RAB38: variants seen among roughly 807,000 people sequenced by gnomAD.
The protein encoded by RAB38 is RAB38, member RAS oncogene family, also known as ras-related protein Rab-38.
In RAB38, 15 loss-of-function variants were observed where a neutral mutation model predicts 18.4. The observed-to-expected ratio is 0.82, with a 90% CI of 0.55 to 1.26. RAB38 has a LOEUF of 1.26. Ranked by LOEUF, RAB38 falls within the 50% of genes most tolerant of loss-of-function variation. The probability of loss-of-function intolerance (pLI) is 0.00; values close to 1 mark genes in which losing one functional copy is unlikely to be tolerated. For synonymous variants in RAB38, 101 were observed against 104.4 expected, an observed-to-expected ratio of 0.97 and a Z score of 0.20; for missense variants, 294 against 267.4, an observed-to-expected ratio of 1.10 and a Z score of -0.69.
chr11:87,976,033 A>C, the RAB38 span, among the ~76,000 whole-genome samples: 2 of 151,140 alleles, frequency 1.3e-5, no homozygotes, highest in Non-Finnish European at 3.0e-5. Context: ...GACTCCAAAT[A>C]ACGCTATTGC....
chr11:88,110,703 G>C (rs1404462034), downstream of RAB38, among the ~76,000 whole-genome samples: 2 of 151,694 alleles, frequency 1.3e-5, no homozygotes, highest in African/African-American at 4.8e-5. Flanking sequence ...TGTAGTCATA[G>C]CTACTCGGGA....
At chr11:88,025,185 AC>A in the RAB38 span, among the ~76,000 whole-genome samples, 1 of 150,886 alleles carries the variant, frequency 6.6e-6, no homozygotes, top group Non-Finnish European at 1.5e-5. Context: ...TATGTGATAT[AC>A]ATATGAGATA....
At chr11:87,890,901 AC>A in the RAB38 span, among the ~76,000 whole-genome samples, 25 of 151,934 alleles carry the variant, frequency 1.6e-4, no homozygotes, top group South Asian at 1.7e-3. Flanking sequence ...AAACATGGGA[AC>A]CCTTGTTAAA....
chr11:88,053,118 A>G, the RAB38 span, among the ~76,000 whole-genome samples: 2 of 124,372 alleles, frequency 1.6e-5, no homozygotes, highest in Admixed American at 1.9e-4. Flanking sequence ...ATATATATGG[A>G]ATATATATAT....
At chr11:87,970,003 G>A in the RAB38 span, among the ~76,000 whole-genome samples, 3 of 152,186 alleles carry the variant, frequency 2.0e-5, no homozygotes, top group East Asian at 1.9e-4. Context: ...GTCAGGTTCA[G>A]TAGGAAGAGT....
At chr11:88,126,743 G>C (rs1942700379) in intron 2 of RAB38, among the ~76,000 whole-genome samples, 1 of 152,022 alleles carries the variant, frequency 6.6e-6, no homozygotes, top group South Asian at 2.1e-4. Context: ...CCAGCTCTGT[G>C]TATTGCCACT....
At chr11:87,975,971 AATT>A in the RAB38 span, among the ~76,000 whole-genome samples, 2 of 151,544 alleles carry the variant, frequency 1.3e-5, no homozygotes, top group South Asian at 4.1e-4. Context: ...TCTTAAATAA[AATT>A]AATCAATTGT....
At chr11:88,009,724 G>C in the RAB38 span, among the ~76,000 whole-genome samples, 1 of 152,290 alleles carries the variant, frequency 6.6e-6, no homozygotes, top group African/African-American at 2.4e-5. Context: ...AAAATTTATA[G>C]CTTTGTGGGT....
At chr11:88,040,605 C>T in the RAB38 span, among the ~76,000 whole-genome samples, 2 of 151,994 alleles carry the variant, frequency 1.3e-5, no homozygotes, top group Non-Finnish European at 2.9e-5. Context: ...GTCCAAGCTA[C>T]TTAGGAGGAT....
At chr11:87,920,159 TTTA>T in the RAB38 span, among the ~76,000 whole-genome samples, 2 of 152,080 alleles carry the variant, frequency 1.3e-5, no homozygotes, top group African/African-American at 2.4e-5. Context: ...TGCTCTGATC[TTTA>T]TTATTTTCTT....
the RAB38 span, among the ~76,000 whole-genome samples, chr11:87,850,949 A>G: frequency 1.3e-5 from 2 of 152,166 alleles, no homozygotes; most frequent in Non-Finnish European, 2.9e-5. Context: ...AGTATTGTAA[A>G]ATTCCAACAT....
intron 1 of RAB38, among the ~76,000 whole-genome samples, chr11:88,150,385 G>A (rs917187748): frequency 2.6e-5 from 4 of 152,188 alleles, no homozygotes; most frequent in African/African-American, 9.6e-5. Context: ...ATATCCATCA[G>A]TATAGAACAT....
chr11:87,824,837 C>T, the RAB38 span, among the ~76,000 whole-genome samples: 6 of 152,288 alleles, frequency 3.9e-5, no homozygotes, highest in African/African-American at 1.2e-4. Flanking sequence ...GAAAGTTAAA[C>T]TTTCCCAGTA....
chr11:87,809,924 TTTTG>T, the RAB38 span, among the ~76,000 whole-genome samples: 14,709 of 152,234 alleles, frequency 0.097, 837 homozygotes, highest in African/African-American at 0.14. Flanking sequence ...ATTATATCTC[TTTTG>T]AATTTAAAAG....
At chr11:88,097,044 GA>G in the RAB38 span, among the ~76,000 whole-genome samples, 86 of 151,278 alleles carry the variant, frequency 5.7e-4, no homozygotes, top group African/African-American at 1.9e-3. Flanking sequence ...AATTATACAA[GA>G]AAAAAAAGAG....
chr11:88,130,757 T>C (rs1192656313), intron 2 of RAB38, among the ~76,000 whole-genome samples: 1 of 152,184 alleles, frequency 6.6e-6, no homozygotes, highest in Non-Finnish European at 1.5e-5. Flanking sequence ...GGTGGTAGTA[T>C]AGGACTCAAA....
the RAB38 span, among the ~76,000 whole-genome samples, chr11:88,087,480 G>T: frequency 6.6e-6 from 1 of 151,858 alleles, no homozygotes; most frequent in Non-Finnish European, 1.5e-5. Flanking sequence ...TTTTGCCTAG[G>T]AAAGAATTCA....
the RAB38 span, among the ~76,000 whole-genome samples, chr11:87,968,256 A>G: frequency 6.6e-6 from 1 of 152,154 alleles, no homozygotes; most frequent in Non-Finnish European, 1.5e-5. Flanking sequence ...GCACAACAGT[A>G]AGGGAGTAAA....
the RAB38 span, among the ~76,000 whole-genome samples, chr11:87,930,154 T>C: frequency 1.3e-5 from 2 of 152,086 alleles, no homozygotes; most frequent in Non-Finnish European, 2.9e-5. Context: ...ACTTCCACAA[T>C]GGTTGAACTA....
Sources: gnomAD v4.1 joint callset for allele counts (sites outside exome capture counted in the v4.1 genomes callset) on GRCh38, gnomAD v4.1.1 for gene constraint, MANE v1.5 for transcripts, NCBI Gene and HGNC (gene_info 2026-07-23, HGNC 2026-07-21) for gene names.